The following LRP1B variants were observed in gnomAD, a reference collection of about 807,000 sequenced individuals.
LRP1B encodes LDL receptor related protein 1B, also known as low-density lipoprotein receptor-related protein 1B.
A neutral mutation model predicts 556.6 loss-of-function variants in LRP1B; 217 were observed. The observed-to-expected ratio is 0.39, with a 90% CI of 0.35 to 0.44. The LOEUF (loss-of-function observed/expected upper bound fraction) is 0.44, where lower values mean the gene tolerates loss of function less well. Ranked by LOEUF, LRP1B falls within the 20% of genes least tolerant of loss-of-function variation. LRP1B has a pLI of 1.00. For missense variants in LRP1B, 5,053 were observed against 5,620.8 expected (o/e 0.90, Z 3.23); for synonymous variants, 2,047 against 1,865.8 (o/e 1.10, Z -2.50).
rs374608742 is a variant in LRP1B, at chr2:142,121,436, T to C, written c.82+9212A>G. On this transcript the variant is annotated intron_variant, in intron 1 of 90. Coordinates refer to ENST00000389484, the MANE Select transcript of LRP1B (RefSeq NM_018557.3). The stretch of plus-strand genomic sequence containing the variant: ...GTAAATATGGCTTTCTCTACTTCTG[T>C]TCTCTCCCAAACACACACAGTTTAT... Among the ~76,000 whole-genome samples, 12 of 152,168 alleles carry C rather than the reference T, an allele frequency of 7.9e-5. No individual in the cohort carries two copies. The East Asian group carries it at 1.2e-3, about 15-fold the overall frequency.
chr2:141,937,661 T>G (rs1015606066), intron 1 of LRP1B, among the ~76,000 whole-genome samples: 23 of 150,394 alleles, frequency 1.5e-4, no homozygotes, highest in African/African-American at 5.4e-4. Flanking sequence ...ATGGTGCACC[T>G]AAATTAAAAA....
chr2:140,906,829 T>G (rs1460698250), intron 22 of LRP1B, among the ~76,000 whole-genome samples: 1 of 152,104 alleles, frequency 6.6e-6, no homozygotes, highest in African/African-American at 2.4e-5. Flanking sequence ...ATAACCTTTT[T>G]GTTGCTCAAC....
At chr2:140,463,993 C>T (rs963798632) in intron 60 of LRP1B, among the ~76,000 whole-genome samples, 6 of 151,904 alleles carry the variant, frequency 3.9e-5, no homozygotes, top group African/African-American at 9.7e-5. Context: ...GTCAGGAGTT[C>T]GAGACCAGCC....
chr2:141,026,783 C>G (rs1698229149), intron 11 of LRP1B, among the ~76,000 whole-genome samples: 1 of 152,064 alleles, frequency 6.6e-6, no homozygotes, highest in Non-Finnish European at 1.5e-5. Flanking sequence ...TGAAACAGTA[C>G]ATTGGGGCAA....
intron 3 of LRP1B, among the ~76,000 whole-genome samples, chr2:141,306,872 A>G (rs1686611115): frequency 6.6e-6 from 1 of 152,108 alleles, no homozygotes; most frequent in Non-Finnish European, 1.5e-5. Flanking sequence ...CCCAGGGGTC[A>G]CTCAGAAGCA....
rs549590198 is a variant in LRP1B at position 141,108,971 on chromosome 2, T to C, written c.1014-46698A>G. Among the ~76,000 whole-genome samples the C allele has an allele frequency of 2.0e-5, 3 of 152,150 alleles. No individual in the cohort carries two copies. The South Asian group carries it at 6.2e-4, about 32-fold the overall frequency. Reference sequence around the variant, plus strand: ...AACCTGAATTGTGCTAAGGTATAGGTGGAGTTATATGATTGTCAGCCATTA... The same window carrying C: ...AACCTGAATTGTGCTAAGGTATAGGCGGAGTTATATGATTGTCAGCCATTA... On this transcript the variant is annotated intron_variant, in intron 7 of 90. Transcript: ENST00000389484.
At chr2:141,154,502 G>A (rs2105093392) in intron 7 of LRP1B, among the ~76,000 whole-genome samples, 1 of 151,804 alleles carries the variant, frequency 6.6e-6, no homozygotes, top group Non-Finnish European at 1.5e-5. Context: ...ATCTCTCTAT[G>A]GGCTAATTTC....
Position 141,824,423 on chromosome 2 carries a change from G to T in LRP1B, c.83-14022C>A, listed in dbSNP as rs546982578. ...TACCCAGGCTGGAATGCAGTGGCGCGATCTCGGCTCACTGCAAGCTCCGCC... is the reference window on the plus strand; with the variant it reads ...TACCCAGGCTGGAATGCAGTGGCGCTATCTCGGCTCACTGCAAGCTCCGCC... On this transcript the variant is annotated intron_variant, in intron 1 of 90. Transcript: ENST00000389484. 3.2e-3 allele frequency among the ~76,000 whole-genome samples: 481 copies of T among 152,204 alleles called. 1 individual carries two copies. Among genetic ancestry groups the T allele is most frequent in the Non-Finnish European group, 5.8e-3 (393 of 68,008 alleles).
intron 1 of LRP1B, among the ~76,000 whole-genome samples, chr2:142,081,905 G>A (rs1479852248): frequency 6.6e-6 from 1 of 152,142 alleles, no homozygotes; most frequent in Non-Finnish European, 1.5e-5. Context: ...ATTTTACAGA[G>A]GGTAAAAAGT....
At chr2:140,504,757 T>G (rs1689335436) in intron 53 of LRP1B, among the ~76,000 whole-genome samples, 1 of 152,174 alleles carries the variant, frequency 6.6e-6, no homozygotes, top group African/African-American at 2.4e-5. Context: ...GTAAATGAAG[T>G]CTGACACATT....
At chr2:142,015,239 C>T (rs1170284815) in intron 1 of LRP1B, among the ~76,000 whole-genome samples, 1 of 152,072 alleles carries the variant, frequency 6.6e-6, no homozygotes, top group African/African-American at 2.4e-5. Flanking sequence ...AGCAGCTGAC[C>T]TTTGACAAAC....
intron 23 of LRP1B, among the ~76,000 whole-genome samples, chr2:140,895,729 T>C (rs1693935415): frequency 4.6e-5 from 7 of 152,046 alleles, no homozygotes; most frequent in Admixed American, 4.6e-4. Context: ...TGGCTCTCAG[T>C]GGGATGGAGA....
chr2:141,748,249 TA>T, intron 2 of LRP1B, among the ~76,000 whole-genome samples: 1 of 152,132 alleles, frequency 6.6e-6, no homozygotes, highest in Non-Finnish European at 1.5e-5. Flanking sequence ...CATCTAAAAG[TA>T]AAAATAACAT....
intron 17 of LRP1B, among the ~76,000 whole-genome samples, chr2:140,987,986 AAAG>A (rs1417414127): frequency 1.3e-4 from 20 of 152,248 alleles, no homozygotes; most frequent in Admixed American, 5.9e-4. Flanking sequence ...TGTCGAAAAA[AAAG>A]AAGAAGAATT....
At chr2:140,634,514 T>C (rs1416832094) in intron 41 of LRP1B, among the ~76,000 whole-genome samples, 3 of 152,148 alleles carry the variant, frequency 2.0e-5, no homozygotes, top group African/African-American at 7.2e-5. Flanking sequence ...GAATAATGAC[T>C]TCCTTCCAAA....
At chr2:140,691,377 A>C (rs1305949165) in intron 41 of LRP1B, among the ~76,000 whole-genome samples, 1 of 151,658 alleles carries the variant, frequency 6.6e-6, no homozygotes, top group Non-Finnish European at 1.5e-5. Flanking sequence ...AGGCTGAGGC[A>C]GGAGAATCAC....
chr2:141,748,149 G>C (rs1317279064), intron 2 of LRP1B, among the ~76,000 whole-genome samples: 5 of 152,150 alleles, frequency 3.3e-5, no homozygotes, highest in African/African-American at 1.2e-4. Flanking sequence ...TATAGGCTGA[G>C]ATAACTAGCA....
At chr2:140,963,692 C>G (rs1391687422) in intron 18 of LRP1B, among the ~76,000 whole-genome samples, 1 of 152,014 alleles carries the variant, frequency 6.6e-6, no homozygotes, top group African/African-American at 2.4e-5. Context: ...CATTGTGGCT[C>G]ACACCTGTAA....
chr2:140,780,132 T>C (rs1390399303), intron 32 of LRP1B, among the ~76,000 whole-genome samples: 1 of 152,038 alleles, frequency 6.6e-6, no homozygotes, highest in Non-Finnish European at 1.5e-5. Flanking sequence ...CTACAACTAA[T>C]AGCAGACAGC....
Sources: gnomAD v4.1 joint callset for allele counts (sites outside exome capture counted in the v4.1 genomes callset) on GRCh38, gnomAD v4.1.1 for gene constraint, MANE v1.5 for transcripts, NCBI Gene and HGNC (gene_info 2026-07-23, HGNC 2026-07-21) for gene names.